The following RAD21L1 variants were observed in gnomAD, a reference collection of about 807,000 sequenced individuals.
RAD21L1 encodes RAD21 cohesin complex component like 1.
RAD21L1 carries 47 observed loss-of-function variants against 69.0 expected under a neutral mutation model. The ratio of observed to expected loss-of-function variants is 0.68; its 90% CI spans 0.54 to 0.87. The LOEUF (loss-of-function observed/expected upper bound fraction) is 0.87, where lower values mean the gene tolerates loss of function less well. Ranked by LOEUF, RAD21L1 falls within the 40% of genes least tolerant of loss-of-function variation. The pLI is 0.00. For missense variants in RAD21L1, 583 were observed against 647.6 expected (o/e 0.90, Z 1.08); for synonymous variants, 177 against 205.8 (o/e 0.86, Z 1.20).
chr20:1,232,457 G>A (rs2087411180), intron 4 of RAD21L1, among the ~76,000 whole-genome samples: 1 of 152,212 alleles, frequency 6.6e-6, no homozygotes, highest in African/African-American at 2.4e-5. Flanking sequence ...CCAGATAAGA[G>A]AATGCAGTAT....
chr20:1,233,649 C>A (rs545435338), intron 4 of RAD21L1, among the ~76,000 whole-genome samples: 1 of 152,160 alleles, frequency 6.6e-6, no homozygotes, highest in Admixed American at 6.5e-5. Context: ...ACCTTCTCAC[C>A]GTATTCTCAC....
intron 2 of RAD21L1, 79 bp from the exon 3 acceptor site, chr20:1,229,801 T>C (rs2087353170): frequency 9.0e-7 from 1 of 1,114,216 alleles, no homozygotes; most frequent in Admixed American, 2.6e-5. Context: ...AACCAATTCT[T>C]ACGATGTCAG....
intron 6 of RAD21L1, 99 bp downstream of exon 6, chr20:1,238,313 T>A: frequency 1.1e-6 from 1 of 923,446 alleles, no homozygotes. Flanking sequence ...TTCAAATATG[T>A]TTTTGTGTTA....
chr20:1,239,298 TTG>T lies in RAD21L1; in HGVS notation c.647-10_647-9del. 1 of 1,391,974 alleles carries T rather than the reference TTG, an allele frequency of 7.2e-7. No individual in the cohort carries two copies. Among genetic ancestry groups the T allele is most frequent in the Non-Finnish European group, 9.9e-7 (1 of 1,007,876 alleles). 86.2% of individuals were successfully genotyped at this position (1,391,974 alleles called of 1,614,324 possible). ...TCCAGTCTGTATGAAAAAATATTCA[TTG>T]TGTTTTTCAAGACAATCTATTGCAA... On this transcript the variant is annotated splice_polypyrimidine_tract_variant and intron_variant, in intron 6 of 13. Coordinates refer to ENST00000683101, the MANE Select transcript of RAD21L1 (RefSeq NM_001384355.1).
rs575108115 is a variant in RAD21L1 at position 1,227,232 on chromosome 20, C to T, written c.-33+1092C>T. Among the ~76,000 whole-genome samples, 7 of 152,336 alleles carry T rather than the reference C, an allele frequency of 4.6e-5. No homozygotes were observed. The East Asian group carries it at 1.3e-3, about 29-fold the overall frequency. On this transcript the variant is annotated intron_variant, in intron 1 of 13. Transcript: ENST00000683101. ...GGCCAAAAAGTACATTTTAAAAGTA[C>T]CTCACACCACTGGGAGCCATTTAAA...
intron 11 of RAD21L1, among the ~76,000 whole-genome samples, chr20:1,245,783 C>G (rs941747881): frequency 4.0e-5 from 6 of 151,892 alleles, no homozygotes; most frequent in African/African-American, 1.5e-4. Flanking sequence ...TATCCCTTTC[C>G]TCACTCTCAC....
intron 1 of RAD21L1, 36 bp from the exon 2 acceptor site, chr20:1,228,386 A>G: frequency 8.5e-7 from 1 of 1,181,612 alleles, no homozygotes; most frequent in Non-Finnish European, 1.1e-6. Context: ...AAGTTTTTGT[A>G]ATAAAATTTT....
intron 8 of RAD21L1, 116 bp downstream of exon 8, chr20:1,240,550 T>C: frequency 7.1e-7 from 1 of 1,400,900 alleles, no homozygotes; most frequent in Non-Finnish European, 9.3e-7. Flanking sequence ...GTAATAGCAC[T>C]TGTAACACAA....
intron 5 of RAD21L1, among the ~76,000 whole-genome samples, chr20:1,234,402 T>C (rs1040821004): frequency 3.3e-5 from 5 of 152,198 alleles, no homozygotes; most frequent in Admixed American, 6.5e-5. Flanking sequence ...GTATAACCAT[T>C]TACTGAATAC....
chr20:1,232,676 G>A (rs560174870), intron 4 of RAD21L1, among the ~76,000 whole-genome samples: 2 of 152,290 alleles, frequency 1.3e-5, no homozygotes, highest in East Asian at 1.9e-4. Flanking sequence ...AGAGAAGGAA[G>A]TAAACTAGGT....
intron 4 of RAD21L1, among the ~76,000 whole-genome samples, chr20:1,233,499 G>A (rs1283196844): frequency 1.3e-5 from 2 of 152,150 alleles, no homozygotes; most frequent in African/African-American, 4.8e-5. Context: ...TTGGGCTGCT[G>A]TAACAAAATA....
At chr20:1,253,897 A>G (rs937808335) in intron 13 of RAD21L1, among the ~76,000 whole-genome samples, 2 of 152,112 alleles carry the variant, frequency 1.3e-5, no homozygotes, top group African/African-American at 4.8e-5. Flanking sequence ...GATCATTTTC[A>G]TTGTATTTGA....
At position 1,238,907 on chromosome 20, in the gene RAD21L1, T is replaced by C. The variant is rs370613608; in HGVS notation, c.647-405T>C. 5.3e-5 allele frequency among the ~76,000 whole-genome samples: 8 copies of C among 152,258 alleles called. No individual in the cohort carries two copies. In the East Asian group the frequency reaches 1.2e-3, roughly 22 times the overall value. ...GGCACCATCTTGGCTCAATGCAACC[T>C]CTGCCACCTGGGTTCAAGTGATTCT... On this transcript the variant is annotated intron_variant, in intron 6 of 13. Transcript: ENST00000683101.
At chr20:1,234,420 G>C (rs776457908) in intron 5 of RAD21L1, among the ~76,000 whole-genome samples, 3 of 152,168 alleles carry the variant, frequency 2.0e-5, no homozygotes, top group Non-Finnish European at 2.9e-5. Context: ...TACCTACTCT[G>C]TATCAGGTGC....
chr20:1,243,289 C>A, intron 10 of RAD21L1, 93 bp downstream of exon 10: 1 of 606,776 alleles, frequency 1.6e-6, no homozygotes, highest in South Asian at 2.5e-5. Context: ...GGATCCAATT[C>A]CATATTCTCA....
chr20:1,249,445 C>T (rs1360507741), intron 13 of RAD21L1, among the ~76,000 whole-genome samples: 1 of 152,158 alleles, frequency 6.6e-6, no homozygotes, highest in Admixed American at 6.5e-5. Context: ...GTTTATTTAT[C>T]TGTCAGGTAA....
In RAD21L1 at chr20:1,242,858, A is replaced by T. The variant is rs776595583; in HGVS notation, c.1083+13A>T. On this transcript the variant is annotated intron_variant, in intron 9 of 13. Coordinates refer to ENST00000683101, the MANE Select transcript of RAD21L1 (RefSeq NM_001384355.1). ...TGAACTGAAAATGGTAACGGTTCCT[A>T]CCCTTCTACATGTGAGCAATGTCTG... 16 of 1,499,310 alleles carry T rather than the reference A, an allele frequency of 1.1e-5. No individual in the cohort carries two copies. The highest frequency in any genetic ancestry group is 1.5e-5 in the Non-Finnish European group (16 of 1,099,450). The allele number at this position is 1,499,310 out of a possible 1,614,324, so 92.9% of individuals were successfully genotyped here.
At chr20:1,250,908 T>A (rs1270821685) in intron 13 of RAD21L1, among the ~76,000 whole-genome samples, 1 of 152,220 alleles carries the variant, frequency 6.6e-6, no homozygotes, top group Non-Finnish European at 1.5e-5. Flanking sequence ...CCTCTTGTTC[T>A]GATCCAAACC....
At chr20:1,244,191 C>A in intron 11 of RAD21L1, 21 bp downstream of exon 11, 2 of 1,480,526 alleles carry the variant, frequency 1.4e-6, no homozygotes, top group Admixed American at 4.3e-5. Flanking sequence ...CAGAGAGAAT[C>A]GTAAAAATAT....
Sources: gnomAD v4.1 joint callset for allele counts (sites outside exome capture counted in the v4.1 genomes callset) on GRCh38, gnomAD v4.1.1 for gene constraint, MANE v1.5 for transcripts, NCBI Gene and HGNC (gene_info 2026-07-23, HGNC 2026-07-21) for gene names.